Variants in PCDHGB5 observed in about 807,000 individuals in gnomAD.
PCDHGB5 encodes the protein protocadherin gamma subfamily B, 5, also known as protocadherin gamma-B5.
PCDHGB5 carries 48 observed loss-of-function variants against 62.9 expected under a neutral mutation model. The observed-to-expected ratio is 0.76, with a 90% CI of 0.61 to 0.97. The LOEUF (loss-of-function observed/expected upper bound fraction) is 0.97. Among genes scored for constraint, PCDHGB5 ranks in the 50% least tolerant of loss-of-function variants. PCDHGB5 has a pLI of 0.00. For synonymous variants in PCDHGB5, 474 were observed against 511.2 expected, an observed-to-expected ratio of 0.93 and a Z score of 0.98; for missense variants, 1,118 against 1,198.6, an observed-to-expected ratio of 0.93 and a Z score of 0.99.
At chr5:141,501,198 G>C (rs2299024) in intron 2 of PCDHGB5, among the ~76,000 whole-genome samples, 89,086 of 151,686 alleles carry the variant, frequency 0.59, 27,759 homozygotes, top group African/African-American at 0.8. Context: ...TAAATTCAGG[G>C]TGTTGTCAGG....
chr5:141,467,990 A>G (rs1593103654), intron 1 of PCDHGB5, among the ~76,000 whole-genome samples: 2 of 152,052 alleles, frequency 1.3e-5, no homozygotes, highest in South Asian at 2.1e-4. Context: ...GAAAACCACA[A>G]TTCTTTCTTC....
chr5:141,419,715 T>A, intron 1 of PCDHGB5: 5 of 1,613,288 alleles, frequency 3.1e-6, no homozygotes, highest in Non-Finnish European at 4.2e-6. Context: ...CTCTTCAGCC[T>A]GGGGCTGCGA....
At chr5:141,463,650 A>G (rs1206605758) in intron 1 of PCDHGB5, among the ~76,000 whole-genome samples, 1 of 151,746 alleles carries the variant, frequency 6.6e-6, no homozygotes, top group South Asian at 2.1e-4. Flanking sequence ...ACGGGGTTTC[A>G]CCGTGTTAGC....
intron 3 of PCDHGB5, among the ~76,000 whole-genome samples, chr5:141,508,506 C>G (rs2099869342): frequency 6.6e-6 from 1 of 152,180 alleles, no homozygotes; most frequent in Admixed American, 6.5e-5. Context: ...TCTCTCCCTC[C>G]TGGTCCAGCC....
intron 1 of PCDHGB5, chr5:141,412,984 C>A: frequency 1.8e-6 from 1 of 558,874 alleles, no homozygotes; most frequent in Non-Finnish European, 3.0e-6. Context: ...GCAGCCAGAG[C>A]TCAATCCGGA....
intron 1 of PCDHGB5, chr5:141,418,464 G>A: frequency 3.7e-6 from 6 of 1,614,010 alleles, no homozygotes; most frequent in Non-Finnish European, 5.1e-6. Flanking sequence ...ACTCTGGACC[G>A]AGAAACGCAG....
chr5:141,472,751 G>A (rs1000022316), intron 1 of PCDHGB5, among the ~76,000 whole-genome samples: 5 of 151,850 alleles, frequency 3.3e-5, no homozygotes, highest in East Asian at 3.9e-4. Flanking sequence ...TTTGGGAGGC[G>A]GAGGCTGGCA....
At chr5:141,405,978 T>G (rs1280230437) in intron 1 of PCDHGB5, among the ~76,000 whole-genome samples, 1 of 152,144 alleles carries the variant, frequency 6.6e-6, no homozygotes, top group Non-Finnish European at 1.5e-5. Context: ...TAAACCATAC[T>G]TCATGGGGTA....
intron 3 of PCDHGB5, among the ~76,000 whole-genome samples, chr5:141,510,054 G>A (rs1166696269): frequency 1.3e-5 from 2 of 152,180 alleles, no homozygotes; most frequent in Non-Finnish European, 2.9e-5. Context: ...AAAAGTGATT[G>A]TGCATGTGAA....
Position 141,477,012 on chromosome 5 carries a change from T to C in PCDHGB5, c.2398-17795T>C. The C allele has an allele frequency of 6.2e-7, 1 of 1,614,186 alleles. No homozygotes were observed. Among genetic ancestry groups the C allele is most frequent in the Non-Finnish European group, 8.5e-7 (1 of 1,180,026 alleles). On this transcript the variant is annotated intron_variant, in intron 1 of 3. Coordinates refer to ENST00000617380, the MANE Select transcript of PCDHGB5 (RefSeq NM_018925.3). The surrounding 1 kb of genome is among the most constrained non-coding windows in gnomAD (Gnocchi z 4.9). The stretch of plus-strand genomic sequence containing the variant: ...GTGCGGCAACTATTCGCCTTAGACC[T>C]TGTAACCGGGATGCTGACAATCAAG...
chr5:141,485,888 G>T lies in PCDHGB5; in HGVS notation c.2398-8919G>T, dbSNP rs1166795987. 3 of 1,614,028 alleles carry T rather than the reference G, an allele frequency of 1.9e-6. No homozygotes were observed. The highest frequency in any genetic ancestry group is 2.5e-6 in the Non-Finnish European group (3 of 1,180,032). ...ATCCGTGCTGGACGTAAACGACAAC[G>T]CCCCAGCCTTCCAGCAATCCAGCTA... On this transcript the variant is annotated intron_variant, in intron 1 of 3. Coordinates refer to ENST00000617380, the MANE Select transcript of PCDHGB5 (RefSeq NM_018925.3). The surrounding 1 kb of genome is among the most constrained non-coding windows in gnomAD (Gnocchi z 5.7).
rs187177915 is a variant in PCDHGB5 at position 141,472,338 on chromosome 5, G to A, written c.2398-22469G>A. ...AGGCAGATCACGAGGTTGGGAGATC[G>A]AGACCATCCTGGCTAACACGGTGAA... On this transcript the variant is annotated intron_variant, in intron 1 of 3. Transcript: ENST00000617380. Among the ~76,000 whole-genome samples, 23 of 151,526 alleles carry A rather than the reference G, an allele frequency of 1.5e-4. No homozygotes were observed. The East Asian group carries it at 3.2e-3, about 21-fold the overall frequency.
At chr5:141,455,583 A>G (rs1485134189) in intron 1 of PCDHGB5, among the ~76,000 whole-genome samples, 4 of 152,144 alleles carry the variant, frequency 2.6e-5, no homozygotes, top group Non-Finnish European at 2.9e-5. Context: ...CCAGCCTTTT[A>G]ATATGCAAAC....
intron 1 of PCDHGB5, chr5:141,409,672 T>C (rs1411780634): frequency 2.5e-6 from 4 of 1,613,458 alleles, no homozygotes; most frequent in Non-Finnish European, 2.5e-6. Flanking sequence ...TCTCCTACTC[T>C]ATAGTGGCGA....
chr5:141,403,377 T>G lies in PCDHGB5; in HGVS notation c.2397+2853T>G. 6.2e-7 allele frequency: 1 copy of G among 1,614,016 alleles called. No homozygotes were observed. The highest frequency in any genetic ancestry group is 8.5e-7 in the Non-Finnish European group (1 of 1,179,900). On this transcript the variant is annotated intron_variant, in intron 1 of 3. Transcript: ENST00000617380. ...CAGGCCGAAAGTCTGGAAGTAAAAA[T>G]TAACGAAATCGCGGTTCCTGGAGCA... is the stretch of plus-strand genomic sequence containing the variant.
intron 1 of PCDHGB5, among the ~76,000 whole-genome samples, chr5:141,401,455 A>G (rs1589438348): frequency 6.6e-6 from 1 of 152,256 alleles, no homozygotes; most frequent in East Asian, 1.9e-4. Flanking sequence ...AATCATCCAA[A>G]TAATTTTCTA....
chr5:141,405,195 C>T, intron 1 of PCDHGB5: 1 of 1,613,786 alleles, frequency 6.2e-7, no homozygotes. Context: ...GGGGTTCGAG[C>T]TTTCCTACAG....
At chr5:141,442,629 A>G (rs959326665) in intron 1 of PCDHGB5, among the ~76,000 whole-genome samples, 2 of 152,248 alleles carry the variant, frequency 1.3e-5, no homozygotes, top group African/African-American at 4.8e-5. Context: ...TTCTAGCAGC[A>G]AGACCAAAGG....
intron 1 of PCDHGB5, chr5:141,403,605 G>A (rs2094432434): frequency 6.2e-7 from 1 of 1,613,690 alleles, no homozygotes; most frequent in Admixed American, 1.7e-5. Context: ...TCGGATGGCG[G>A]CGAGCCGCGT....
Sources: gnomAD v4.1 joint callset for allele counts (sites outside exome capture counted in the v4.1 genomes callset) on GRCh38, gnomAD v4.1.1 for gene constraint, Gnocchi (gnomAD v3.1) non-coding constraint, MANE v1.5 for transcripts, NCBI Gene and HGNC (gene_info 2026-07-23, HGNC 2026-07-21) for gene names.